The following SHANK2 variants were observed in gnomAD, a reference collection of about 807,000 sequenced individuals.
SHANK2 encodes the protein SH3 and multiple ankyrin repeat domains protein 2.
Under a neutral mutation model 133.7 loss-of-function variants are expected in SHANK2, and 43 were observed. The ratio of observed to expected loss-of-function variants is 0.32; its 90% CI spans 0.25 to 0.41. The LOEUF (loss-of-function observed/expected upper bound fraction) is 0.41. SHANK2 is among the 10% of genes least tolerant of loss of function. SHANK2 has a pLI of 1.00. For synonymous variants in SHANK2, 1,017 were observed against 952.8 expected, an observed-to-expected ratio of 1.07 and a Z score of -1.24; for missense variants, 1,994 against 2,235.8, an observed-to-expected ratio of 0.89 and a Z score of 2.18.
rs115635745 is a variant in SHANK2 at position 71,247,697 on chromosome 11, C to A, written c.-113+4728G>T. Among the ~76,000 whole-genome samples the A allele has an allele frequency of 1.6e-3, 246 of 152,324 alleles. 2 individuals are homozygous for A. The highest frequency in any genetic ancestry group is 5.8e-3 in the African/African-American group (240 of 41,570). On this transcript the variant is annotated intron_variant, in intron 1 of 25. Transcript: ENST00000601538. ...GGGGAGCTCCCGTGCTGCCTTTCTG[C>A]TGCAGCAGAATTTCTGGGACGGGGA...
chr11:70,762,836 G>A (rs979456517), intron 14 of SHANK2, among the ~76,000 whole-genome samples: 2 of 152,236 alleles, frequency 1.3e-5, no homozygotes, highest in African/African-American at 4.8e-5. Flanking sequence ...ATTTCAGCCC[G>A]GAGGAGGAGG....
rs1948189016 is a variant in SHANK2 at position 70,807,515 on chromosome 11, G to A, written c.1494-344C>T. Among the ~76,000 whole-genome samples the A allele has an allele frequency of 6.6e-6, 1 of 152,180 alleles. No homozygotes were observed. The highest frequency in any genetic ancestry group is 1.5e-5 in the Non-Finnish European group (1 of 68,034). On this transcript the variant is annotated intron_variant, in intron 12 of 25. Transcript: ENST00000601538. The surrounding 1 kb of genome is among the most constrained non-coding windows in gnomAD (Gnocchi z 4.8). ...GGGTGGTCCAAACATACAATGGAAC[G>A]CTGTTTAGCCTCCATCAGGAATTAA...
chr11:70,576,979 G>A (rs1554984407), intron 17 of SHANK2, among the ~76,000 whole-genome samples: 1 of 152,284 alleles, frequency 6.6e-6, no homozygotes, highest in African/African-American at 2.4e-5. Context: ...TTAGCGGAAG[G>A]GGTGGCCAGG....
chr11:70,547,453 G>A lies in SHANK2; in HGVS notation c.2062-44522C>T, dbSNP rs556174273. Reference sequence around the variant, plus strand: ...TTTTTGTGTTTTTAGTAGAGATGCCGTTTCACCAAGTTGGCCAGGCTGGTT... The same window carrying A: ...TTTTTGTGTTTTTAGTAGAGATGCCATTTCACCAAGTTGGCCAGGCTGGTT... On this transcript the variant is annotated intron_variant, in intron 17 of 25. Coordinates refer to ENST00000601538, the MANE Select transcript of SHANK2 (RefSeq NM_012309.5). Among the ~76,000 whole-genome samples, 54 of 152,158 alleles carry A rather than the reference G, an allele frequency of 3.5e-4. No homozygotes were observed. The South Asian group carries it at 8.9e-3, about 25-fold the overall frequency.
intron 15 of SHANK2, among the ~76,000 whole-genome samples, chr11:70,681,456 G>A (rs956234207): frequency 6.6e-6 from 1 of 152,216 alleles, no homozygotes; most frequent in Admixed American, 6.5e-5. Flanking sequence ...AGGAAACCTG[G>A]GCCCCCTGGG....
At chr11:70,518,245 T>C (rs911728428) in intron 17 of SHANK2, among the ~76,000 whole-genome samples, 3 of 152,154 alleles carry the variant, frequency 2.0e-5, no homozygotes, top group African/African-American at 7.2e-5. Context: ...AGACAGAGAC[T>C]CTTATTAAGA....
Position 70,701,587 on chromosome 11 carries a change from G to A in SHANK2, c.1778-2824C>T, listed in dbSNP as rs571422995. On this transcript the variant is annotated intron_variant, in intron 14 of 25. Transcript: ENST00000601538. ...AGCTAATTTTTATATTTTTTTTTTC[G>A]TAGAGACGGGGTTTCACCGTGTTAG... Among the ~76,000 whole-genome samples the A allele has an allele frequency of 4.4e-4, 67 of 151,172 alleles. 1 individual carries two copies. The highest frequency in any genetic ancestry group is 1.3e-3 in the African/African-American group (52 of 41,144).
intron 14 of SHANK2, among the ~76,000 whole-genome samples, chr11:70,733,306 T>A (rs1946328765): frequency 6.6e-6 from 1 of 152,172 alleles, no homozygotes; most frequent in Non-Finnish European, 1.5e-5. Context: ...GTTTAGTATG[T>A]TTACACAGAA....
At position 70,471,440 on chromosome 11, in the gene SHANK2, G is replaced by A. The variant is rs1399429849; in HGVS notation, c.*1429C>T. 5.0e-6 allele frequency: 2 copies of A among 398,796 alleles called. No homozygotes were observed. The highest frequency in any genetic ancestry group is 4.1e-5 in the African/African-American group (2 of 48,716). 24.7% of individuals were successfully genotyped at this position (398,796 alleles called of 1,614,324 possible). On this transcript the variant is annotated 3_prime_UTR_variant, in exon 26 of 26. Transcript: ENST00000601538. This position sits in a 1 kb window ranked among gnomAD's most constrained non-coding sequence, Gnocchi z 4.1. Reference sequence around the variant, plus strand: ...ATCTGGTGACCTCTTTTGGAAATTCGAGGTATTGTTATGGGGTGGAGGGAC... The same window carrying A: ...ATCTGGTGACCTCTTTTGGAAATTCAAGGTATTGTTATGGGGTGGAGGGAC...
At chr11:70,917,852 CA>C (rs1555080091) in intron 10 of SHANK2, among the ~76,000 whole-genome samples, 1 of 152,052 alleles carries the variant, frequency 6.6e-6, no homozygotes, top group African/African-American at 2.4e-5. Context: ...AGGAGCCTTT[CA>C]GGGGGGTGGA....
At chr11:70,926,251 C>T (rs1353565517) in intron 10 of SHANK2, among the ~76,000 whole-genome samples, 1 of 152,026 alleles carries the variant, frequency 6.6e-6, no homozygotes, top group African/African-American at 2.4e-5. Context: ...CTACAAAATA[C>T]CAAACAAAAA....
At chr11:70,503,013 T>C in intron 17 of SHANK2, 82 bp from the exon 18 acceptor site, 1 of 1,513,644 alleles carries the variant, frequency 6.6e-7, no homozygotes, top group Non-Finnish European at 9.2e-7. Context: ...CAGAGACATG[T>C]GGGCTCCTAA....
intron 17 of SHANK2, among the ~76,000 whole-genome samples, chr11:70,644,815 T>G (rs981044780): frequency 6.6e-6 from 1 of 152,184 alleles, no homozygotes; most frequent in Admixed American, 6.5e-5. Flanking sequence ...AGCCCATGCC[T>G]TTTGCCAAGA....
chr11:71,097,302 T>C (rs1555095637), intron 6 of SHANK2, among the ~76,000 whole-genome samples: 1 of 150,726 alleles, frequency 6.6e-6, no homozygotes, highest in Non-Finnish European at 1.5e-5. Context: ...CCCGAGAAGA[T>C]GCTGGTTGAT....
chr11:70,788,432 C>T (rs1169674595), intron 14 of SHANK2, among the ~76,000 whole-genome samples: 3 of 152,190 alleles, frequency 2.0e-5, no homozygotes, highest in Non-Finnish European at 2.9e-5. Flanking sequence ...TTCTGAGTAG[C>T]GTGATGTCGA....
intron 11 of SHANK2, among the ~76,000 whole-genome samples, chr11:70,877,081 C>T (rs373494968): frequency 3.3e-5 from 5 of 152,254 alleles, no homozygotes; most frequent in Non-Finnish European, 7.3e-5. Flanking sequence ...CCATCTCTTC[C>T]TCACTGATAT....
chr11:71,137,881 GAC>G (rs1952477223), intron 3 of SHANK2, among the ~76,000 whole-genome samples: 1 of 152,142 alleles, frequency 6.6e-6, no homozygotes, highest in South Asian at 2.1e-4. Flanking sequence ...CAAGGAATCA[GAC>G]ACACACACAG....
At chr11:70,928,024 T>C (rs1276540825) in intron 10 of SHANK2, among the ~76,000 whole-genome samples, 5 of 152,142 alleles carry the variant, frequency 3.3e-5, no homozygotes, top group African/African-American at 4.8e-5. Flanking sequence ...CATGCGCCAA[T>C]TCCTTATAAT....
chr11:70,516,311 A>AT (rs2059265726), intron 17 of SHANK2, among the ~76,000 whole-genome samples: 1 of 152,248 alleles, frequency 6.6e-6, no homozygotes, highest in East Asian at 1.9e-4. Flanking sequence ...GAAAGCCCAG[A>AT]AATAGACCCA....
Sources: allele counts gnomAD v4.1 joint callset (sites outside exome capture counted in the v4.1 genomes callset), GRCh38; gene constraint gnomAD v4.1.1; non-coding constraint Gnocchi (gnomAD v3.1); transcripts MANE v1.5; gene names NCBI Gene and HGNC (gene_info 2026-07-23, HGNC 2026-07-21).